The following ULK4 variants were observed in gnomAD, a reference collection of about 807,000 sequenced individuals.
ULK4 encodes unc-51 like kinase 4, also known as inactive serine/threonine-protein kinase ULK4.
A neutral mutation model predicts 160.6 loss-of-function variants in ULK4; 133 were observed. The ratio of observed to expected loss-of-function variants is 0.83; its 90% CI spans 0.72 to 0.96. ULK4 has a LOEUF of 0.96. ULK4 is among the 40% of genes least tolerant of loss of function. The probability of loss-of-function intolerance (pLI) is 0.00; values close to 1 mark genes in which losing one functional copy is unlikely to be tolerated. For missense variants in ULK4, 1,580 were observed against 1,499.5 expected, an observed-to-expected ratio of 1.05 and a Z score of -0.89; for synonymous variants, 534 against 539.8, an observed-to-expected ratio of 0.99 and a Z score of 0.15.
At chr3:41,581,059 A>C (rs1280224919) in intron 31 of ULK4, among the ~76,000 whole-genome samples, 1 of 152,176 alleles carries the variant, frequency 6.6e-6, no homozygotes, top group African/African-American at 2.4e-5. Flanking sequence ...TTAGCACAAG[A>C]CTGGCATCCC....
rs1227453762 is a variant in ULK4 at position 41,417,722 on chromosome 3, T to C, written c.3493-19458A>G. 2.6e-5 allele frequency among the ~76,000 whole-genome samples: 4 copies of C among 152,188 alleles called. No homozygotes were observed. In the East Asian group the frequency reaches 7.7e-4, roughly 29 times the overall value. On this transcript the variant is annotated intron_variant, in intron 34 of 36. Transcript: ENST00000301831. ...TCCTTTTAAGAGCTGATACCAGAAC[T>C]GACACACATCACTTCTGTTCGCTTC...
At chr3:41,714,852 T>TAAAAAAAAAAAAAAA (rs60470015) in intron 25 of ULK4, among the ~76,000 whole-genome samples, 3 of 131,348 alleles carry the variant, frequency 2.3e-5, no homozygotes, top group African/African-American at 1.0e-4. Context: ...ACTCTGTCTT[T>TAAAAAAAAAAAAAAA]AAAAAAAAAA....
chr3:41,301,987 A>G (rs2125711433), intron 35 of ULK4, among the ~76,000 whole-genome samples: 1 of 152,342 alleles, frequency 6.6e-6, no homozygotes, highest in East Asian at 1.9e-4. Flanking sequence ...AAGAGTCAGA[A>G]CAAGAATATG....
intron 32 of ULK4, among the ~76,000 whole-genome samples, chr3:41,512,462 C>G (rs1459137333): frequency 6.6e-6 from 1 of 152,098 alleles, no homozygotes; most frequent in Non-Finnish European, 1.5e-5. Flanking sequence ...CTCAGTAATT[C>G]TGCTATATAC....
At chr3:41,947,921 A>T (rs572090724) in intron 2 of ULK4, among the ~76,000 whole-genome samples, 1 of 152,292 alleles carries the variant, frequency 6.6e-6, no homozygotes, top group East Asian at 1.9e-4. Context: ...TGGAAAAAAG[A>T]GAGGCTTCCC....
intron 5 of ULK4, among the ~76,000 whole-genome samples, chr3:41,924,197 C>T (rs1269928647): frequency 6.6e-6 from 1 of 152,194 alleles, no homozygotes; most frequent in Non-Finnish European, 1.5e-5. Flanking sequence ...ACCCCAGTAC[C>T]CACCTACTCA....
chr3:41,841,399 G>A (rs1354702592), intron 17 of ULK4, among the ~76,000 whole-genome samples: 1 of 150,488 alleles, frequency 6.6e-6, no homozygotes, highest in Non-Finnish European at 1.5e-5. Context: ...TCGTGTGGGA[G>A]GTAGAGAGCG....
At chr3:41,325,100 C>T (rs1264825955) in intron 35 of ULK4, among the ~76,000 whole-genome samples, 2 of 152,170 alleles carry the variant, frequency 1.3e-5, no homozygotes, top group Non-Finnish European at 2.9e-5. Flanking sequence ...GTGTAACCTA[C>T]AATTTTCTGA....
At chr3:41,695,484 T>TA (rs1185789679) in intron 27 of ULK4, among the ~76,000 whole-genome samples, 1 of 152,086 alleles carries the variant, frequency 6.6e-6, no homozygotes, top group Non-Finnish European at 1.5e-5. Context: ...TGTTGTAACA[T>TA]AAAATGAGGT....
At chr3:41,530,280 AG>A (rs1308499695) in intron 32 of ULK4, among the ~76,000 whole-genome samples, 3 of 152,222 alleles carry the variant, frequency 2.0e-5, no homozygotes, top group Non-Finnish European at 4.4e-5. Context: ...ACTCTAAGGA[AG>A]GGGGACACAG....
intron 32 of ULK4, among the ~76,000 whole-genome samples, chr3:41,555,319 C>CAA (rs35693207): frequency 5.8e-4 from 81 of 140,438 alleles, no homozygotes; most frequent in South Asian, 5.0e-3. Context: ...AACAAATGTA[C>CAA]AAAAAAAAAA....
At chr3:41,809,347 C>T (rs922976007) in intron 19 of ULK4, among the ~76,000 whole-genome samples, 7 of 149,968 alleles carry the variant, frequency 4.7e-5, no homozygotes, top group South Asian at 2.1e-4. Context: ...GTTCTTGGTT[C>T]AATGAATTAC....
At chr3:41,314,967 T>C (rs2080120020) in intron 35 of ULK4, among the ~76,000 whole-genome samples, 1 of 152,168 alleles carries the variant, frequency 6.6e-6, no homozygotes, top group Non-Finnish European at 1.5e-5. Flanking sequence ...GGTGTATTTA[T>C]CAGTATTTAC....
At chr3:41,882,143 G>T in intron 17 of ULK4, 1 of 699,558 alleles carries the variant, frequency 1.4e-6, no homozygotes, top group Non-Finnish European at 2.6e-6. Context: ...GCCACACGGA[G>T]TCCCAAGAAT....
chr3:41,562,060 G>A (rs554087300), intron 32 of ULK4, among the ~76,000 whole-genome samples: 3 of 152,268 alleles, frequency 2.0e-5, no homozygotes, highest in East Asian at 1.9e-4. Flanking sequence ...GGTACGTTGT[G>A]TCTTTGTTCT....
intron 17 of ULK4, among the ~76,000 whole-genome samples, chr3:41,870,310 C>G (rs150371402): frequency 6.6e-6 from 1 of 152,300 alleles, no homozygotes; most frequent in African/African-American, 2.4e-5. Context: ...ATTCTTTCAT[C>G]TCCTTCTGAG....
At chr3:41,397,567 C>T (rs1417977809) in intron 35 of ULK4, among the ~76,000 whole-genome samples, 5 of 152,048 alleles carry the variant, frequency 3.3e-5, no homozygotes, top group Admixed American at 3.3e-4. Context: ...TACAAAATAC[C>T]TGGCCTATAA....
At chr3:41,950,940 G>A (rs1444449874) in intron 2 of ULK4, among the ~76,000 whole-genome samples, 1 of 151,262 alleles carries the variant, frequency 6.6e-6, no homozygotes, top group Non-Finnish European at 1.5e-5. Flanking sequence ...GTCAGGAGAT[G>A]GAGACCATCC....
At chr3:41,660,339 T>A (rs2035107556) in intron 30 of ULK4, among the ~76,000 whole-genome samples, 2 of 152,024 alleles carry the variant, frequency 1.3e-5, no homozygotes, top group Admixed American at 1.3e-4. Flanking sequence ...TTATTCACAT[T>A]AGCTTGCATT....
Sources: allele counts gnomAD v4.1 joint callset (sites outside exome capture counted in the v4.1 genomes callset), GRCh38; gene constraint gnomAD v4.1.1; transcripts MANE v1.5; gene names NCBI Gene and HGNC (gene_info 2026-07-23, HGNC 2026-07-21).